Variants in RHOBTB3 observed in about 807,000 individuals in gnomAD.
The protein encoded by RHOBTB3 is rho-related BTB domain-containing protein 3.
A neutral mutation model predicts 67.2 loss-of-function variants in RHOBTB3; 47 were observed. That is an observed-to-expected ratio of 0.70 (90% CI 0.55 to 0.89). RHOBTB3 has a LOEUF of 0.89. Ranked by LOEUF, RHOBTB3 falls within the 40% of genes least tolerant of loss-of-function variation. The probability of loss-of-function intolerance (pLI) is 0.00; values close to 1 mark genes in which losing one functional copy is unlikely to be tolerated. For synonymous variants in RHOBTB3, 273 were observed against 274.2 expected, an observed-to-expected ratio of 1.00 and a Z score of 0.04; for missense variants, 631 against 750.0, an observed-to-expected ratio of 0.84 and a Z score of 1.85.
chr5:95,753,754 A>G (rs996065382), intron 5 of RHOBTB3, among the ~76,000 whole-genome samples: 1 of 152,208 alleles, frequency 6.6e-6, no homozygotes, highest in Admixed American at 6.5e-5. Context: ...TTATTAATCA[A>G]GAAGACAAAA....
At chr5:95,747,423 G>A (rs945584073) in intron 3 of RHOBTB3, among the ~76,000 whole-genome samples, 4 of 152,092 alleles carry the variant, frequency 2.6e-5, no homozygotes, top group African/African-American at 9.7e-5. Context: ...CCTCCCCACG[G>A]GAAGCCAATC....
At chr5:95,791,239 T>C (rs1281929033) in intron 11 of RHOBTB3, among the ~76,000 whole-genome samples, 3 of 152,200 alleles carry the variant, frequency 2.0e-5, no homozygotes, top group Non-Finnish European at 4.4e-5. Context: ...AAAGATGTCA[T>C]GTCAGTACAG....
intron 10 of RHOBTB3, among the ~76,000 whole-genome samples, chr5:95,785,821 C>T (rs1027879534): frequency 3.3e-5 from 5 of 152,158 alleles, no homozygotes; most frequent in Middle Eastern, 3.4e-3. Context: ...CTTTTAGTAT[C>T]TTCTTAAATT....
In RHOBTB3 at chr5:95,788,799, A is replaced by G. The variant is rs1452555394; in HGVS notation, c.1661A>G (p.His554Arg). The change falls in exon 11 of 12, where the codon CAT (histidine) becomes CGT (arginine). Residue 554 changes from histidine (H) to arginine (R), a missense_variant. By Grantham distance (29) the His-to-Arg change is conservative. Coordinates refer to ENST00000379982, the MANE Select transcript of RHOBTB3 (RefSeq NM_014899.4). ...GATTGCCTTTCAACCTGGCTACTTC[A>G]TTTCATTGCTACTAACTACCTCATC... ...HSDCLSTWLL[H>R]FIATNYLIFS... 6.3e-7 allele frequency: 1 copy of G among 1,587,606 alleles called. No individual in the cohort carries two copies. The highest frequency in any genetic ancestry group is 8.5e-7 in the Non-Finnish European group (1 of 1,170,958).
rs1214794800 is a variant in RHOBTB3, at chr5:95,795,119, C to T, written c.*1945C>T. On this transcript the variant is annotated 3_prime_UTR_variant, in exon 12 of 12. Coordinates refer to ENST00000379982, the MANE Select transcript of RHOBTB3 (RefSeq NM_014899.4). ...CTCCATCTCAAAAAAAAAAAAAAAA[C>T]CAAAGTGAAACACTAAAAATTCCCT... 4.6e-5 allele frequency: 6 copies of T among 131,088 alleles called. No individual in the cohort carries two copies. The East Asian group carries it at 1.3e-3, about 28-fold the overall frequency. The allele number at this position is 131,088 out of a possible 1,614,324, so 8.1% of individuals were successfully genotyped here. A position where few individuals can be genotyped will look rare whatever the true frequency, so the allele number is the denominator to read the frequency against.
intron 9 of RHOBTB3, 120 bp from the exon 10 acceptor site, chr5:95,783,677 A>G (rs1199377321): frequency 1.4e-6 from 1 of 718,992 alleles, no homozygotes; most frequent in East Asian, 2.8e-5. Context: ...ATTCTATTCT[A>G]TGGTGGATGC....
chr5:95,763,413 C>T (rs1031528325), intron 6 of RHOBTB3, 95 bp from the exon 7 acceptor site: 2 of 709,048 alleles, frequency 2.8e-6, no homozygotes, highest in Admixed American at 2.4e-5. Context: ...AAAATTAAAG[C>T]ACTAAAAAAA....
rs1466013332 is a variant in RHOBTB3 at position 95,793,980 on chromosome 5, T to A, written c.*806T>A. 3 of 456,216 alleles carry A rather than the reference T, an allele frequency of 6.6e-6. No individual in the cohort carries two copies. The Admixed American group carries it at 7.0e-5, about 11-fold the overall frequency. 28.3% of individuals were successfully genotyped at this position (456,216 alleles called of 1,614,324 possible). On this transcript the variant is annotated 3_prime_UTR_variant, in exon 12 of 12. Transcript: ENST00000379982. ...GTCTGTTTCGTGGTGGGAAATATCCTATGTTTTCTTGCTCAAACACCTTTC... is the reference window on the plus strand; with the variant it reads ...GTCTGTTTCGTGGTGGGAAATATCCAATGTTTTCTTGCTCAAACACCTTTC...
intron 5 of RHOBTB3, among the ~76,000 whole-genome samples, chr5:95,753,872 G>A (rs752816383): frequency 1.6e-4 from 24 of 152,176 alleles, no homozygotes; most frequent in Non-Finnish European, 2.5e-4. Context: ...CACTTTGGGA[G>A]GCCAAGGTGG....
At chr5:95,784,938 C>T (rs1048208493) in intron 10 of RHOBTB3, among the ~76,000 whole-genome samples, 2 of 152,118 alleles carry the variant, frequency 1.3e-5, no homozygotes, top group Admixed American at 1.3e-4. Flanking sequence ...GTTTTTTTCA[C>T]AGGAATATAT....
At position 95,794,108 on chromosome 5, in the gene RHOBTB3, C is replaced by A. The variant is rs765978246; in HGVS notation, c.*934C>A. 1.6e-5 allele frequency: 7 copies of A among 439,096 alleles called. No homozygotes were observed. The highest frequency in any genetic ancestry group is 3.2e-5 in the Non-Finnish European group (7 of 221,720). 27.2% of individuals were successfully genotyped at this position (439,096 alleles called of 1,614,324 possible). ...TTCCCGCCTTTGGGGAGGTCTGGACCACCCAGGGCCTCCACTGCCACCTTG... is the reference window on the plus strand; with the variant it reads ...TTCCCGCCTTTGGGGAGGTCTGGACAACCCAGGGCCTCCACTGCCACCTTG... On this transcript the variant is annotated 3_prime_UTR_variant, in exon 12 of 12. Transcript: ENST00000379982.
At chr5:95,718,876 A>G (rs1454095638) in intron 1 of RHOBTB3, among the ~76,000 whole-genome samples, 1 of 152,152 alleles carries the variant, frequency 6.6e-6, no homozygotes, top group East Asian at 1.9e-4. Context: ...AGGTCCCAGG[A>G]GAGCACAAGC....
At chr5:95,751,149 G>T (rs1003123847) in intron 4 of RHOBTB3, among the ~76,000 whole-genome samples, 2 of 152,304 alleles carry the variant, frequency 1.3e-5, no homozygotes, top group Middle Eastern at 3.4e-3. Context: ...TTTTTAGTTT[G>T]TAAAGGACAG....
rs536874845 is a variant in RHOBTB3 at position 95,789,999 on chromosome 5, A to G, written c.1720+1141A>G. 2.6e-5 allele frequency among the ~76,000 whole-genome samples: 4 copies of G among 152,354 alleles called. No homozygotes were observed. The East Asian group carries it at 7.7e-4, about 29-fold the overall frequency. ...GAGACTTCTGTCTCTAAAAGAAAAAAGAGTAAAAATCTCTTGTTTTTATTC... is the reference window on the plus strand; with the variant it reads ...GAGACTTCTGTCTCTAAAAGAAAAAGGAGTAAAAATCTCTTGTTTTTATTC... On this transcript the variant is annotated intron_variant, in intron 11 of 11. Transcript: ENST00000379982.
intron 1 of RHOBTB3, chr5:95,719,838 C>G (rs1255106186): frequency 6.6e-6 from 1 of 152,132 alleles, no homozygotes; most frequent in Non-Finnish European, 1.5e-5. Flanking sequence ...ATGCAGTTTG[C>G]TCTGGAAATG....
At chr5:95,759,183 C>G (rs1249790772) in intron 6 of RHOBTB3, among the ~76,000 whole-genome samples, 1 of 152,232 alleles carries the variant, frequency 6.6e-6, no homozygotes, top group Non-Finnish European at 1.5e-5. Context: ...GTCCTGGCTT[C>G]TTAACCTGAC....
intron 8 of RHOBTB3, chr5:95,769,591 C>T (rs189279171): frequency 7.6e-5 from 13 of 169,944 alleles, no homozygotes; most frequent in East Asian, 7.2e-4. Flanking sequence ...TCACAGTAAA[C>T]GGTGGAAAAA....
At chr5:95,763,952 G>A (rs1174001449) in intron 7 of RHOBTB3, among the ~76,000 whole-genome samples, 1 of 152,000 alleles carries the variant, frequency 6.6e-6, no homozygotes, top group Non-Finnish European at 1.5e-5. Flanking sequence ...TGGGACTATA[G>A]ATATGCATCA....
At chr5:95,751,030 G>A (rs917493508) in intron 4 of RHOBTB3, among the ~76,000 whole-genome samples, 1 of 152,210 alleles carries the variant, frequency 6.6e-6, no homozygotes. Context: ...TTGATTTACA[G>A]CGTTTAAATA....
Sources: allele counts gnomAD v4.1 joint callset (sites outside exome capture counted in the v4.1 genomes callset), GRCh38; gene constraint gnomAD v4.1.1; transcripts MANE v1.5; gene names NCBI Gene and HGNC (gene_info 2026-07-23, HGNC 2026-07-21).